Variants in CDH12 observed in about 807,000 individuals in gnomAD.
CDH12 encodes the protein cadherin-12.
Under a neutral mutation model 74.1 loss-of-function variants are expected in CDH12, and 41 were observed. That is an observed-to-expected ratio of 0.55 (90% CI 0.43 to 0.72). CDH12 has a LOEUF of 0.72. Ranked by LOEUF, CDH12 falls within the 30% of genes least tolerant of loss-of-function variation. The pLI is 0.00. For synonymous variants in CDH12, 399 were observed against 355.0 expected, an observed-to-expected ratio of 1.12 and a Z score of -1.39; for missense variants, 945 against 977.2, an observed-to-expected ratio of 0.97 and a Z score of 0.44.
chr5:21,778,128 T>C (rs1745695130), intron 11 of CDH12, among the ~76,000 whole-genome samples: 1 of 152,064 alleles, frequency 6.6e-6, no homozygotes, highest in Admixed American at 6.6e-5. Flanking sequence ...TGAAACATGG[T>C]GAATATGTTC....
intron 2 of CDH12, among the ~76,000 whole-genome samples, chr5:22,498,583 C>G (rs1190748119): frequency 6.6e-6 from 1 of 151,666 alleles, no homozygotes; most frequent in African/African-American, 2.4e-5. Context: ...ATATGTCACC[C>G]AAATATGTCT....
intron 1 of CDH12, among the ~76,000 whole-genome samples, chr5:22,848,517 C>T (rs757530838): frequency 1.4e-4 from 22 of 152,250 alleles, no homozygotes; most frequent in Admixed American, 3.9e-4. Context: ...TGTTCATACA[C>T]GATCAAAGTT....
chr5:22,558,626 C>A (rs1471304607), intron 1 of CDH12, among the ~76,000 whole-genome samples: 1 of 151,506 alleles, frequency 6.6e-6, no homozygotes, highest in Non-Finnish European at 1.5e-5. Context: ...TGAAAAAATA[C>A]CCACAAAAAT....
chr5:22,545,989 G>A (rs1738308951), intron 1 of CDH12, among the ~76,000 whole-genome samples: 1 of 151,952 alleles, frequency 6.6e-6, no homozygotes, highest in South Asian at 2.1e-4. Context: ...TGTTGCTTGG[G>A]GCTGGAATAC....
chr5:22,259,666 T>C (rs1001120439), intron 3 of CDH12, among the ~76,000 whole-genome samples: 3 of 152,086 alleles, frequency 2.0e-5, no homozygotes, highest in Admixed American at 2.0e-4. Context: ...AAATATTTGC[T>C]TTGTTATTCT....
intron 3 of CDH12, among the ~76,000 whole-genome samples, chr5:22,304,061 T>C (rs181371462): frequency 6.0e-4 from 92 of 152,266 alleles, no homozygotes; most frequent in Non-Finnish European, 1.1e-3. Context: ...TAAATGAGAA[T>C]TATTTAATAA....
intron 1 of CDH12, among the ~76,000 whole-genome samples, chr5:22,808,793 G>A (rs1748960772): frequency 8.0e-6 from 1 of 125,182 alleles, no homozygotes; most frequent in Non-Finnish European, 1.7e-5. Flanking sequence ...TTTTTTAGTA[G>A]AGGTGGGGTT....
intron 2 of CDH12, among the ~76,000 whole-genome samples, chr5:22,470,172 A>C (rs1319865073): frequency 6.6e-6 from 1 of 152,114 alleles, no homozygotes; most frequent in East Asian, 1.9e-4. Flanking sequence ...ATGGTATGGC[A>C]TAGGAATCTT....
intron 5 of CDH12, among the ~76,000 whole-genome samples, chr5:22,043,396 C>G (rs1294680233): frequency 6.6e-6 from 1 of 152,032 alleles, no homozygotes; most frequent in Non-Finnish European, 1.5e-5. Context: ...AATTCAACAT[C>G]CCTTCCCAAT....
chr5:22,603,829 C>T lies in CDH12; in HGVS notation c.-522-98465G>A, dbSNP rs75984300. ...TTATAGATATTAGGTATGGACATCA[C>T]TTTTAAGGAGCTTTCCTGTAAAATG... On this transcript the variant is annotated intron_variant, in intron 1 of 14. Transcript: ENST00000382254. 2.8e-3 allele frequency among the ~76,000 whole-genome samples: 430 copies of T among 152,252 alleles called. 4 individuals are homozygous for T. Among genetic ancestry groups the T allele is most frequent in the African/African-American group, 9.8e-3 (408 of 41,558 alleles).
At chr5:22,627,531 A>G (rs190987559) in intron 1 of CDH12, among the ~76,000 whole-genome samples, 259 of 152,268 alleles carry the variant, frequency 1.7e-3, no homozygotes, top group African/African-American at 6.0e-3. Context: ...GATCCTTTAC[A>G]GACAAGCAAA....
intron 1 of CDH12, among the ~76,000 whole-genome samples, chr5:22,583,931 C>G (rs1740237438): frequency 6.6e-6 from 1 of 151,714 alleles, no homozygotes; most frequent in Admixed American, 6.6e-5. Flanking sequence ...GTATCTCTTC[C>G]CAATCAGAAT....
chr5:22,227,597 T>G (rs1367964003), intron 3 of CDH12, among the ~76,000 whole-genome samples: 1 of 152,174 alleles, frequency 6.6e-6, no homozygotes, highest in Non-Finnish European at 1.5e-5. Flanking sequence ...TTATCTTGCA[T>G]GAGAAACAGG....
chr5:22,603,813 T>C (rs747467479), intron 1 of CDH12, among the ~76,000 whole-genome samples: 7 of 152,126 alleles, frequency 4.6e-5, no homozygotes, highest in African/African-American at 1.7e-4. Flanking sequence ...ATTATAGATA[T>C]TAGGTATGGA....
At chr5:22,023,959 T>C (rs1738170556) in intron 5 of CDH12, among the ~76,000 whole-genome samples, 1 of 152,182 alleles carries the variant, frequency 6.6e-6, no homozygotes, top group South Asian at 2.1e-4. Context: ...TCACAGCTCA[T>C]TGGCCAAAAG....
chr5:22,054,553 A>G (rs1366801778), intron 5 of CDH12, among the ~76,000 whole-genome samples: 1 of 152,106 alleles, frequency 6.6e-6, no homozygotes, highest in East Asian at 1.9e-4. Context: ...AGAGGGCAAA[A>G]TTTTATAAAT....
At chr5:22,766,684 A>T (rs1158560605) in intron 1 of CDH12, among the ~76,000 whole-genome samples, 1 of 152,024 alleles carries the variant, frequency 6.6e-6, no homozygotes, top group Non-Finnish European at 1.5e-5. Context: ...ACTCAACAAG[A>T]CTTGGAAAAA....
At chr5:22,022,484 C>A (rs912961590) in intron 5 of CDH12, among the ~76,000 whole-genome samples, 1 of 151,336 alleles carries the variant, frequency 6.6e-6, no homozygotes, top group African/African-American at 2.4e-5. Flanking sequence ...AATTAAACTT[C>A]TTTTTTTTTA....
intron 1 of CDH12, among the ~76,000 whole-genome samples, chr5:22,642,785 A>G (rs1276216744): frequency 6.6e-6 from 1 of 152,198 alleles, no homozygotes; most frequent in Non-Finnish European, 1.5e-5. Context: ...GTTAAAGTGA[A>G]ACAATTATAT....
Sources: gnomAD v4.1 joint callset for allele counts (sites outside exome capture counted in the v4.1 genomes callset) on GRCh38, gnomAD v4.1.1 for gene constraint, MANE v1.5 for transcripts, NCBI Gene and HGNC (gene_info 2026-07-23, HGNC 2026-07-21) for gene names.